CFAP61: variants seen among roughly 807,000 people sequenced by gnomAD.
The protein encoded by CFAP61 is cilia- and flagella-associated protein 61.
CFAP61 carries 107 observed loss-of-function variants against 135.6 expected under a neutral mutation model. That is an observed-to-expected ratio of 0.79 (90% CI 0.67 to 0.93). The LOEUF (loss-of-function observed/expected upper bound fraction) is 0.93, where lower values mean the gene tolerates loss of function less well. Among genes scored for constraint, CFAP61 ranks in the 40% least tolerant of loss-of-function variants. The pLI, the probability that CFAP61 is intolerant of heterozygous loss-of-function variation, is 0.00. For synonymous variants in CFAP61, 575 were observed against 578.5 expected, an observed-to-expected ratio of 0.99 and a Z score of 0.09; for missense variants, 1,507 against 1,556.2, an observed-to-expected ratio of 0.97 and a Z score of 0.53.
intron 8 of CFAP61, among the ~76,000 whole-genome samples, chr20:20,125,308 T>C (rs2049983949): frequency 6.6e-6 from 1 of 151,786 alleles, no homozygotes; most frequent in Non-Finnish European, 1.5e-5. Context: ...GATGTGACCT[T>C]AGAATGTCAG....
chr20:20,052,692 A>T (rs1206103145), intron 1 of CFAP61, 101 bp downstream of exon 1: 15 of 1,612,608 alleles, frequency 9.3e-6, no homozygotes, highest in Non-Finnish European at 1.2e-5. Context: ...TGACCAGGCG[A>T]GGACGAGTGG....
At chr20:20,272,341 G>A (rs952184248) in intron 21 of CFAP61, among the ~76,000 whole-genome samples, 2 of 152,218 alleles carry the variant, frequency 1.3e-5, no homozygotes, top group African/African-American at 2.4e-5. Flanking sequence ...TCAGGAGGCT[G>A]AAGCATGCCA....
At chr20:20,159,294 A>C (rs1601055960) in intron 9 of CFAP61, 76 bp from the exon 10 acceptor site, 1 of 1,262,516 alleles carries the variant, frequency 7.9e-7, no homozygotes, top group East Asian at 2.3e-5. Context: ...GAACCCTGGC[A>C]GTTTGCTCCA....
rs1244826137 is a variant in CFAP61, at chr20:20,090,996, G to C, written c.699+20G>C. The C allele has an allele frequency of 6.2e-7, 1 of 1,613,370 alleles. No homozygotes were observed. The highest frequency in any genetic ancestry group is 1.3e-5 in the African/African-American group (1 of 74,908). On this transcript the variant is annotated intron_variant, in intron 7 of 26. Transcript: ENST00000245957. ...TGTGAGGTCAGTGACTGATTCATGT[G>C]GGAACACACTTAGTGAGAGGAAGGA...
intron 9 of CFAP61, among the ~76,000 whole-genome samples, chr20:20,153,322 C>G (rs555602812): frequency 6.6e-6 from 1 of 152,008 alleles, no homozygotes; most frequent in South Asian, 2.1e-4. Flanking sequence ...ACTAGAGAAA[C>G]AAGAACAAAT....
chr20:20,237,682 T>C (rs1360011134), intron 18 of CFAP61, among the ~76,000 whole-genome samples: 1 of 152,066 alleles, frequency 6.6e-6, no homozygotes, highest in Non-Finnish European at 1.5e-5. Flanking sequence ...ACCCCATAAC[T>C]CCTTAATATC....
chr20:20,175,796 G>T (rs1174119080), intron 13 of CFAP61, among the ~76,000 whole-genome samples: 1 of 152,074 alleles, frequency 6.6e-6, no homozygotes, highest in Non-Finnish European at 1.5e-5. Context: ...CTCCCAAAAT[G>T]CTGGGATTAC....
At chr20:20,346,453 G>A (rs1012152092) in intron 26 of CFAP61, among the ~76,000 whole-genome samples, 2 of 149,278 alleles carry the variant, frequency 1.3e-5, no homozygotes, top group African/African-American at 2.5e-5. Flanking sequence ...GGGAGGTAGA[G>A]GTTGCAGTGA....
intron 26 of CFAP61, among the ~76,000 whole-genome samples, chr20:20,354,502 CAAAAAAAA>C (rs112245982): frequency 1.5e-5 from 2 of 133,914 alleles, no homozygotes; most frequent in East Asian, 4.4e-4. Flanking sequence ...GACCTTGTCT[CAAAAAAAA>C]AAAAAAAAAA....
chr20:20,269,146 T>C (rs6046773), intron 21 of CFAP61, among the ~76,000 whole-genome samples: 38,566 of 84,532 alleles, frequency 0.46, 8,214 homozygotes, highest in African/African-American at 0.59. Context: ...TATATATATA[T>C]ACACACACAC....
rs1382580561 is a variant in CFAP61, at chr20:20,228,306, G to A, written c.1990G>A (p.Val664Ile). ...RKLTLEPKIT[V>I]NAKIIVVGAS... ...ACTAACATTGGAACCTAAAATTACT[G>A]TCAATGCCAAGATCATTGTGGTTGG... The change falls in exon 18 of 27, where the codon GTC becomes ATC. Residue 664 changes from valine (V) to isoleucine (I), a missense_variant. Val to Ile is a conservative substitution (Grantham distance 29). Coordinates refer to ENST00000245957, the MANE Select transcript of CFAP61 (RefSeq NM_015585.4). The A allele has an allele frequency of 6.2e-7, 1 of 1,610,602 alleles. No homozygotes were observed. Among genetic ancestry groups the A allele is most frequent in the Non-Finnish European group, 8.5e-7 (1 of 1,177,212 alleles).
At chr20:20,066,029 C>CA (rs2045235102) in intron 2 of CFAP61, among the ~76,000 whole-genome samples, 1 of 152,164 alleles carries the variant, frequency 6.6e-6, no homozygotes, top group South Asian at 2.1e-4. Flanking sequence ...GGCAAACAGA[C>CA]ACTTCTCAAA....
At chr20:20,183,532 T>G (rs78458831) in intron 13 of CFAP61, among the ~76,000 whole-genome samples, 1,667 of 152,246 alleles carry the variant, frequency 0.011, 31 homozygotes, top group African/African-American at 0.038. Context: ...AATACAGACA[T>G]AGAGAGCAGC....
At chr20:20,278,366 A>ACACC (rs2053930723) in intron 22 of CFAP61, among the ~76,000 whole-genome samples, 1 of 152,116 alleles carries the variant, frequency 6.6e-6, no homozygotes, top group African/African-American at 2.4e-5. Context: ...CAGGTGGGTG[A>ACACC]CACCCCACCT....
rs909848866 is a variant in CFAP61 at position 20,268,922 on chromosome 20, A to C, written c.2503+5792A>C. Among the ~76,000 whole-genome samples the C allele has an allele frequency of 1.8e-4, 28 of 151,944 alleles. 1 individual carries two copies. ...TACAGTTTACTGCCTTATTAAAAGC[A>C]TGTTTGTAGGAAAAGTATAACATTA... is the stretch of plus-strand genomic sequence containing the variant. On this transcript the variant is annotated intron_variant, in intron 21 of 26. Transcript: ENST00000245957.
chr20:20,221,548 G>C (rs936702044), intron 17 of CFAP61, among the ~76,000 whole-genome samples: 3 of 152,158 alleles, frequency 2.0e-5, no homozygotes, highest in African/African-American at 7.2e-5. Context: ...AACAGCATGT[G>C]AATCAGTCAT....
In CFAP61 at chr20:20,346,919, G is replaced by A. The variant is rs531802149; in HGVS notation, c.3513+4998G>A. On this transcript the variant is annotated intron_variant, in intron 26 of 26. Coordinates refer to ENST00000245957, the MANE Select transcript of CFAP61 (RefSeq NM_015585.4). ...TATAAGCCAAGTGGACCCAACAGTC[G>A]TGGATGAAATTCTCTGTTCAACAGT... 3.8e-4 allele frequency among the ~76,000 whole-genome samples: 58 copies of A among 152,338 alleles called. No homozygotes were observed. The South Asian group carries it at 0.011, about 29-fold the overall frequency.
At chr20:20,213,015 A>G in intron 17 of CFAP61, among the ~76,000 whole-genome samples, 1 of 152,120 alleles carries the variant, frequency 6.6e-6, no homozygotes, top group Non-Finnish European at 1.5e-5. Context: ...GGAGGGTGGG[A>G]ACAGGGCAGG....
intron 2 of CFAP61, among the ~76,000 whole-genome samples, chr20:20,059,326 CAAAAA>C (rs11458923): frequency 2.6e-4 from 12 of 45,494 alleles, no homozygotes; most frequent in East Asian, 9.2e-4. Flanking sequence ...GACTCTGTCT[CAAAAA>C]AAAAAAAAAA....
Sources: gnomAD v4.1 joint callset for allele counts (sites outside exome capture counted in the v4.1 genomes callset) on GRCh38, gnomAD v4.1.1 for gene constraint, MANE v1.5 for transcripts, NCBI Gene and HGNC (gene_info 2026-07-23, HGNC 2026-07-21) for gene names.